Variants in SND1 observed in about 807,000 individuals in gnomAD.
The protein encoded by SND1 is staphylococcal nuclease domain-containing protein 1.
SND1 carries 38 observed loss-of-function variants against 121.7 expected under a neutral mutation model. The observed-to-expected ratio is 0.31, with a 90% CI of 0.24 to 0.41. The LOEUF (loss-of-function observed/expected upper bound fraction) is 0.41, where lower values mean the gene tolerates loss of function less well. Among genes scored for constraint, SND1 ranks in the 10% least tolerant of loss-of-function variants. The probability of loss-of-function intolerance (pLI) is 1.00; values close to 1 mark genes in which losing one functional copy is unlikely to be tolerated. For synonymous variants in SND1, 401 were observed against 447.4 expected, an observed-to-expected ratio of 0.90 and a Z score of 1.31; for missense variants, 868 against 1,184.6, an observed-to-expected ratio of 0.73 and a Z score of 3.92.
intron 1 of SND1, chr7:127,679,297 G>A (rs1795667369): frequency 1.3e-5 from 2 of 152,040 alleles, no homozygotes; most frequent in Non-Finnish European, 2.9e-5. Context: ...TTGCTTCTCA[G>A]GCAGCTGCCA....
At chr7:127,907,185 A>G (rs560403350) in intron 14 of SND1, among the ~76,000 whole-genome samples, 6 of 152,314 alleles carry the variant, frequency 3.9e-5, no homozygotes, top group Admixed American at 6.5e-5. Flanking sequence ...CTAAGAGTGC[A>G]GTTTTTTTGG....
At chr7:127,983,820 G>T (rs2116905678) in intron 15 of SND1, among the ~76,000 whole-genome samples, 1 of 152,260 alleles carries the variant, frequency 6.6e-6, no homozygotes, top group East Asian at 1.9e-4. Flanking sequence ...TCAGCTTTAA[G>T]ACTGAATAAC....
At chr7:127,967,386 G>A (rs1801878397) in intron 15 of SND1, among the ~76,000 whole-genome samples, 2 of 152,162 alleles carry the variant, frequency 1.3e-5, no homozygotes, top group Admixed American at 1.3e-4. Context: ...AAATCACGAT[G>A]GAGCAAATCA....
At chr7:127,833,281 A>G (rs1264410645) in intron 11 of SND1, among the ~76,000 whole-genome samples, 1 of 84,780 alleles carries the variant, frequency 1.2e-5, no homozygotes, top group East Asian at 2.5e-4. Flanking sequence ...TTTTTTTTTT[A>G]ATGAGATGGA....
intron 18 of SND1, chr7:128,082,071 T>C (rs1156265495): frequency 4.4e-6 from 2 of 457,884 alleles, no homozygotes; most frequent in African/African-American, 4.0e-5. Context: ...CCTCCTTCCG[T>C]CCTGAGTGGT....
intron 15 of SND1, among the ~76,000 whole-genome samples, chr7:127,932,644 G>T (rs1800977128): frequency 6.6e-6 from 1 of 152,302 alleles, no homozygotes; most frequent in Middle Eastern, 3.4e-3. Context: ...GAAAGGAAGA[G>T]CCAGTTGATG....
At chr7:127,913,939 A>T (rs1168308534) in intron 14 of SND1, among the ~76,000 whole-genome samples, 3 of 152,158 alleles carry the variant, frequency 2.0e-5, no homozygotes, top group African/African-American at 4.8e-5. Context: ...TTCCCTACAG[A>T]CTATGTCGTA....
intron 11 of SND1, among the ~76,000 whole-genome samples, chr7:127,814,762 T>C (rs1161248143): frequency 6.6e-6 from 1 of 152,188 alleles, no homozygotes; most frequent in East Asian, 1.9e-4. Flanking sequence ...GCTAATTGTT[T>C]AGGTTGCTTG....
intron 10 of SND1, among the ~76,000 whole-genome samples, chr7:127,742,656 A>G (rs1428466301): frequency 1.3e-5 from 2 of 152,144 alleles, no homozygotes; most frequent in African/African-American, 4.8e-5. Flanking sequence ...AGAATGGCCC[A>G]TGGGAATGTT....
chr7:128,081,652 C>T, intron 18 of SND1, 151 bp downstream of exon 18: 1 of 837,748 alleles, frequency 1.2e-6, no homozygotes, highest in South Asian at 1.6e-5. Flanking sequence ...CCCCTGTCTC[C>T]CTGCCTTGTC....
intron 11 of SND1, among the ~76,000 whole-genome samples, chr7:127,840,442 C>G (rs1798943477): frequency 6.6e-6 from 1 of 152,058 alleles, no homozygotes; most frequent in Non-Finnish European, 1.5e-5. Flanking sequence ...TTATATAGCC[C>G]TTGGTCATGT....
At chr7:127,859,934 A>G (rs1254643138) in intron 12 of SND1, among the ~76,000 whole-genome samples, 1 of 152,188 alleles carries the variant, frequency 6.6e-6, no homozygotes, top group Non-Finnish European at 1.5e-5. Context: ...TAGGAGGAAT[A>G]AGAAAGACAT....
intron 11 of SND1, among the ~76,000 whole-genome samples, chr7:127,830,275 C>T (rs559565731): frequency 1.7e-4 from 26 of 152,092 alleles, no homozygotes; most frequent in African/African-American, 6.3e-4. Flanking sequence ...CCCAGCTACT[C>T]AGGGGGCTGA....
At chr7:127,707,766 AGTGTGTGTGTGTGTGTGT>A (rs35627839) in intron 9 of SND1, 119 bp downstream of exon 9, 25 of 409,070 alleles carry the variant, frequency 6.1e-5, no homozygotes, top group South Asian at 2.6e-4. Context: ...AGCCAGTAGG[AGTGTGTGTGTGTGTGTGT>A]GTGTGTGTGT....
chr7:128,028,374 T>G lies in SND1; in HGVS notation c.1779+37318T>G, dbSNP rs1803539821. ...AGGATGTTTGTTGTTTTAGTTTATTTTATCTCAGCAATTTCAACCTTATAC... is the reference window on the plus strand; with the variant it reads ...AGGATGTTTGTTGTTTTAGTTTATTGTATCTCAGCAATTTCAACCTTATAC... On this transcript the variant is annotated intron_variant, in intron 16 of 23. Transcript: ENST00000354725. 3.0e-5 allele frequency: 8 copies of G among 270,760 alleles called. No homozygotes were observed. The South Asian group carries it at 4.8e-4, about 16-fold the overall frequency. 16.8% of individuals were successfully genotyped at this position (270,760 alleles called of 1,614,324 possible).
intron 1 of SND1, among the ~76,000 whole-genome samples, chr7:127,660,530 T>C (rs1002161503): frequency 1.3e-5 from 2 of 152,218 alleles, no homozygotes; most frequent in Non-Finnish European, 2.9e-5. Context: ...GTAGCCCTTA[T>C]CTGAAACGCT....
chr7:127,783,483 T>C (rs987119925), intron 10 of SND1, among the ~76,000 whole-genome samples: 2 of 152,224 alleles, frequency 1.3e-5, no homozygotes, highest in Admixed American at 1.3e-4. Flanking sequence ...TTTGATGTCA[T>C]AGGGAGATGG....
chr7:128,048,110 T>A (rs900518655), intron 16 of SND1, among the ~76,000 whole-genome samples: 3 of 152,172 alleles, frequency 2.0e-5, no homozygotes, highest in Admixed American at 6.5e-5. Flanking sequence ...CCTCCCAAAG[T>A]GCTGGGATTA....
intron 1 of SND1, among the ~76,000 whole-genome samples, chr7:127,660,862 G>A (rs893358379): frequency 2.0e-5 from 3 of 152,136 alleles, no homozygotes; most frequent in Non-Finnish European, 2.9e-5. Context: ...ACAGGTCATC[G>A]CATCAGGACA....
Sources: gnomAD v4.1 joint callset for allele counts (sites outside exome capture counted in the v4.1 genomes callset) on GRCh38, gnomAD v4.1.1 for gene constraint, MANE v1.5 for transcripts, NCBI Gene and HGNC (gene_info 2026-07-23, HGNC 2026-07-21) for gene names.